Variants in NOTCH4 observed in about 807,000 individuals in gnomAD.
NOTCH4 encodes the protein neurogenic locus notch homolog protein 4.
In NOTCH4, 138 loss-of-function variants were observed where a neutral mutation model predicts 189.0. The ratio of observed to expected loss-of-function variants is 0.73; its 90% confidence interval spans 0.64 to 0.84. NOTCH4 has a LOEUF of 0.84. Ranked by LOEUF, NOTCH4 falls within the 40% of genes least tolerant of loss-of-function variation. The pLI, the probability that NOTCH4 is intolerant of heterozygous loss-of-function variation, is 0.00. For synonymous variants in NOTCH4, 942 were observed against 1,032.8 expected (o/e 0.91, Z 1.69); for missense variants, 2,286 against 2,605.4 (o/e 0.88, Z 2.67).
rs1788073841 is a variant in NOTCH4, at chr6:32,198,100, C to CCCAAA, written c.4756+320_4756+321insTTTGG. Among the ~76,000 whole-genome samples the CCCAAA allele has an allele frequency of 6.6e-6, 1 of 152,198 alleles. No homozygotes were observed. The highest frequency in any genetic ancestry group is 1.5e-5 in the Non-Finnish European group (1 of 68,038). The stretch of plus-strand genomic sequence containing the variant: ...CCTCCCAAAGTGCTGGGATTACAGG[C>CCCAAA]GTGAGCCACCACGCCCGGCCTAGCA... On this transcript the variant is annotated intron_variant, in intron 26 of 29. Coordinates refer to ENST00000375023, the MANE Select transcript of NOTCH4 (RefSeq NM_004557.4). This position sits in a 1 kb window ranked among gnomAD's most constrained non-coding sequence, Gnocchi z 5.5.
Position 32,200,896 on chromosome 6 carries a change from G to T in NOTCH4, c.4250C>A (p.Ala1417Glu). ...LLLRFLAAMA[A>E]VGALEPLLPG... ...CAGCAGGGGCTCCAGGGCTCCCACT[G>T]CAGCCATCGCAGCAAGGAAGCGGAG... The change falls in exon 23 of 30, where the codon GCA becomes GAA. Residue 1417 changes from alanine (A) to glutamate (E), a missense_variant. By Grantham distance (107) the Ala-to-Glu change is moderately radical. Around this residue, in one of 2 missense-constraint regions of NOTCH4, gnomAD observed 1,903 missense variants for 2,261.9 expected, o/e 0.84. Transcript: ENST00000375023. This position sits in a 1 kb window ranked among gnomAD's most constrained non-coding sequence, Gnocchi z 5.0. The T allele has an allele frequency of 6.2e-7, 1 of 1,608,872 alleles. No homozygotes were observed. Among genetic ancestry groups the T allele is most frequent in the South Asian group, 1.1e-5 (1 of 90,492 alleles).
chr6:32,198,618 C>T lies in NOTCH4; in HGVS notation c.4617+31G>A, dbSNP rs763768985. 10 of 1,611,340 alleles carry T rather than the reference C, an allele frequency of 6.2e-6. No individual in the cohort carries two copies. The South Asian group carries it at 1.1e-4, about 18-fold the overall frequency. On this transcript the variant is annotated intron_variant, in intron 25 of 29. Coordinates refer to ENST00000375023, the MANE Select transcript of NOTCH4 (RefSeq NM_004557.4). The surrounding 1 kb of genome is among the most constrained non-coding windows in gnomAD (Gnocchi z 5.5). The stretch of plus-strand genomic sequence containing the variant: ...TTTGCCCTTTCATCCCTTCCATCAC[C>T]TCCAGACCATTCTTGCCCCAGCCCT...
At chr6:32,220,734 G>A in intron 5 of NOTCH4, 22 bp downstream of exon 5, 1 of 1,613,676 alleles carries the variant, frequency 6.2e-7, no homozygotes, top group Non-Finnish European at 8.5e-7. Flanking sequence ...TGGGTGTCAT[G>A]GATGTGGCTT....
chr6:32,222,628 C>A lies in NOTCH4; in HGVS notation c.334G>T (p.Glu112Ter), dbSNP rs765988217. The A allele has an allele frequency of 6.2e-7, 1 of 1,606,352 alleles. No homozygotes were observed. The highest frequency in any genetic ancestry group is 1.7e-5 in the Admixed American group (1 of 57,176). ...LCTCLPGFTGERCQAKLEDPC... is the reference protein window; with the variant it reads ...LCTCLPGFTG Reference sequence around the variant, plus strand: ...TCTTCAAGCTTGGCCTGGCATCTCTCACCAGTGAAGCCAGGGAGGCAAGTG... The same window carrying A: ...TCTTCAAGCTTGGCCTGGCATCTCTAACCAGTGAAGCCAGGGAGGCAAGTG... The change falls in exon 3 of 30, where the codon GAG (glutamate) becomes TAG (stop). Residue 112 changes from glutamate to a stop codon, truncating the protein, a stop_gained. Coordinates refer to ENST00000375023, the MANE Select transcript of NOTCH4 (RefSeq NM_004557.4). LOFTEE classifies it high-confidence loss of function.
Position 32,212,538 on chromosome 6 carries a change from CT to C in NOTCH4, c.2615del (p.Gln872ArgfsTer20), listed in dbSNP as rs1789088908. ...TGPSFHCLCL[Q>X]GWTGPLCNLP... Reference sequence around the variant, plus strand: ...GGTTGCAGAGAGGCCCGGTCCATCCCTGGAGGCACAAGCAGTGGAAGGAGGG... The same window carrying C: ...GGTTGCAGAGAGGCCCGGTCCATCCCGGAGGCACAAGCAGTGGAAGGAGGG... On this transcript the variant is annotated frameshift_variant, in exon 17 of 30. Transcript: ENST00000375023. LOFTEE classifies it high-confidence loss of function. The surrounding 1 kb of genome is among the most constrained non-coding windows in gnomAD (Gnocchi z 4.4). 1 of 1,613,044 alleles carries C rather than the reference CT, an allele frequency of 6.2e-7. No homozygotes were observed. Among genetic ancestry groups the C allele is most frequent in the Non-Finnish European group, 8.5e-7 (1 of 1,180,004 alleles).
Position 32,201,755 on chromosome 6 carries a change from G to A in NOTCH4, c.3756-255C>T. 2.4e-6 allele frequency: 1 copy of A among 415,516 alleles called. No individual in the cohort carries two copies. 25.7% of individuals were successfully genotyped at this position (415,516 alleles called of 1,614,324 possible). ...CTCTGTTTCTAAAGGAGAGTCCCAG[G>A]CCCTTTTCCCTCTGTGAGGTGCTGA... On this transcript the variant is annotated intron_variant, in intron 21 of 29. Coordinates refer to ENST00000375023, the MANE Select transcript of NOTCH4 (RefSeq NM_004557.4). The surrounding 1 kb of genome is among the most constrained non-coding windows in gnomAD (Gnocchi z 5.5).
In NOTCH4 at chr6:32,196,100, G is replaced by T; in HGVS notation, c.5349C>A (p.Ala1783=). 2 of 1,592,646 alleles carry T rather than the reference G, an allele frequency of 1.3e-6. No individual in the cohort carries two copies. The change falls in exon 30 of 30, where the codon GCC becomes GCA. Residue 1783 remains alanine, a synonymous_variant. Coordinates refer to ENST00000375023, the MANE Select transcript of NOTCH4 (RefSeq NM_004557.4). ...LAAREGAVEV[A]QLLLGLGAAR... is the part of the protein sequence containing the mutation. ...CTGCCCCCAGCCCCAGCAGTAGCTG[G>T]GCTACTTCCACCGCTCCTTCCCGCG... is the stretch of plus-strand genomic sequence containing the variant.
chr6:32,221,225 CG>C lies in NOTCH4; in HGVS notation c.551del (p.Pro184ArgfsTer68). 6.2e-7 allele frequency: 1 copy of C among 1,613,070 alleles called. No homozygotes were observed. The highest frequency in any genetic ancestry group is 8.5e-7 in the Non-Finnish European group (1 of 1,180,018). ...TYPQIQCHCPPGFEGHACERD... is the reference protein window; with the variant it reads ...TYPQIQCHCPXGFEGHACERD... Reference sequence around the variant, plus strand: ...GTTCACAGGCATGGCCCTCGAAGCCCGGTGGGCAGTGGCACTGGATCTGGGG... The same window carrying C: ...GTTCACAGGCATGGCCCTCGAAGCCCGTGGGCAGTGGCACTGGATCTGGGG... On this transcript the variant is annotated frameshift_variant, in exon 4 of 30. Coordinates refer to ENST00000375023, the MANE Select transcript of NOTCH4 (RefSeq NM_004557.4). LOFTEE classifies it high-confidence loss of function. This position sits in a 1 kb window ranked among gnomAD's most constrained non-coding sequence, Gnocchi z 4.3.
At position 32,199,032 on chromosome 6, in the gene NOTCH4, C is replaced by G; in HGVS notation, c.4429G>C (p.Glu1477Gln). The change falls in exon 24 of 30, where the codon GAG (glutamate) becomes CAG (glutamine). Residue 1477 changes from glutamate to glutamine, a missense_variant. Physicochemically the swap from Glu to Gln is conservative, Grantham distance 29. Transcript: ENST00000375023. The surrounding 1 kb of genome is among the most constrained non-coding windows in gnomAD (Gnocchi z 4.9). ...VLQLIRRRRREHGALWLPPGF... is the reference protein window; with the variant it reads ...VLQLIRRRRRQHGALWLPPGF... The stretch of plus-strand genomic sequence containing the variant: ...GGGGGCAGCCAGAGAGCTCCATGCT[C>G]TCGGCGTCGACGCCGGATGAGCTGG... 6.2e-7 allele frequency: 1 copy of G among 1,612,886 alleles called. No homozygotes were observed. Among genetic ancestry groups the G allele is most frequent in the Non-Finnish European group, 8.5e-7 (1 of 1,179,946 alleles).
At chr6:32,219,101 C>G (rs1582820254) in intron 8 of NOTCH4, among the ~76,000 whole-genome samples, 1 of 152,156 alleles carries the variant, frequency 6.6e-6, no homozygotes, top group East Asian at 1.9e-4. Context: ...TAAAACTAGC[C>G]TGGAGGTGGG....
At chr6:32,214,328 C>A in intron 12 of NOTCH4, 73 bp from the exon 13 acceptor site, 1 of 1,525,582 alleles carries the variant, frequency 6.6e-7, no homozygotes, top group Non-Finnish European at 8.9e-7. Context: ...CTGCCTGGAC[C>A]CCTATGACTT....
rs3132934 is a variant in NOTCH4 at position 32,199,232 on chromosome 6, G to A, written c.4316-87C>T. ...AGACCTTTGGACAAGTTTAGTAGCC[G>A]GTCTTTGCCTCGGTTTCCTTATCTG... is the stretch of plus-strand genomic sequence containing the variant. On this transcript the variant is annotated intron_variant, in intron 23 of 29. Transcript: ENST00000375023. The surrounding 1 kb of genome is among the most constrained non-coding windows in gnomAD (Gnocchi z 4.9). 9.2e-6 allele frequency: 9 copies of A among 973,588 alleles called. No homozygotes were observed. The highest frequency in any genetic ancestry group is 1.3e-5 in the Non-Finnish European group (9 of 676,630). The allele number at this position is 973,588 out of a possible 1,614,324, so 60.3% of individuals were successfully genotyped here.
intron 14 of NOTCH4, 117 bp downstream of exon 14, chr6:32,213,571 T>G: frequency 8.0e-7 from 1 of 1,250,098 alleles, no homozygotes; most frequent in Non-Finnish European, 1.1e-6. Context: ...TGGAGTTTCA[T>G]TATGTTTCCC....
In NOTCH4 at chr6:32,202,400, C is replaced by T. The variant is rs1483121330; in HGVS notation, c.3431G>A (p.Gly1144Asp). ...CAAGCCCGTGGTCTCTGAGCAGCTG[C>T]CATTGTATAGGCATGGGGAGGGAGG... ...CGPPSPCLYN[G>D]SCSETTGLGG... Residue 1144 changes from glycine (G) to aspartate (D), a missense_variant, in exon 21 of 30, where the codon GGC becomes GAC. By Grantham distance (94) the Gly-to-Asp change is moderately conservative. This residue lies in a region of NOTCH4 where 1,903 missense variants were observed against 2,261.9 expected (regional missense o/e 0.84). Transcript: ENST00000375023. This position sits in a 1 kb window ranked among gnomAD's most constrained non-coding sequence, Gnocchi z 5.7. 1.2e-6 allele frequency: 2 copies of T among 1,612,634 alleles called. No homozygotes were observed. The highest frequency in any genetic ancestry group is 4.5e-5 in the East Asian group (2 of 44,882).
At position 32,213,703 on chromosome 6, in the gene NOTCH4, C is replaced by G; in HGVS notation, c.2305G>C (p.Asp769His). Reference protein sequence around the residue: ...HTGPQCQTSTDYCVSAPCFNG... With the variant: ...HTGPQCQTSTHYCVSAPCFNG... The stretch of plus-strand genomic sequence containing the variant: ...GGGCACTCACCAGACACACAGTAGT[C>G]AGTGCTGGTTTGGCACTGGGGCCCT... The change falls in exon 14 of 30, where the codon GAC (aspartate) becomes CAC (histidine). Residue 769 changes from aspartate to histidine, a missense_variant. Coordinates refer to ENST00000375023, the MANE Select transcript of NOTCH4 (RefSeq NM_004557.4). The G allele has an allele frequency of 6.2e-7, 1 of 1,612,954 alleles. No individual in the cohort carries two copies. The highest frequency in any genetic ancestry group is 8.5e-7 in the Non-Finnish European group (1 of 1,179,968).
Position 32,198,581 on chromosome 6 carries a change from A to G in NOTCH4, c.4618-22T>C. On this transcript the variant is annotated intron_variant, in intron 25 of 29. Transcript: ENST00000375023. The surrounding 1 kb of genome is among the most constrained non-coding windows in gnomAD (Gnocchi z 5.5). ...CAGCCTTTGGGTAACAGCAAGGATC[A>G]GTGAAGGTTGATTTGCCCTTTCATC... The G allele has an allele frequency of 1.2e-6, 2 of 1,611,920 alleles. No homozygotes were observed. Among genetic ancestry groups the G allele is most frequent in the Non-Finnish European group, 1.7e-6 (2 of 1,179,214 alleles).
At chr6:32,211,631 A>G (rs1789029094) in intron 17 of NOTCH4, among the ~76,000 whole-genome samples, 1 of 145,438 alleles carries the variant, frequency 6.9e-6, no homozygotes, top group Non-Finnish European at 1.5e-5. Flanking sequence ...ATAAATAAAT[A>G]AATAAATAAA....
Position 32,195,322 on chromosome 6 carries a change from G to T in NOTCH4, c.*115C>A. ...GTGGGCATACATTCATTTTAGGAGA[G>T]AAACTAAACTCACAACCCTTCATTT... On this transcript the variant is annotated 3_prime_UTR_variant, in exon 30 of 30. Coordinates refer to ENST00000375023, the MANE Select transcript of NOTCH4 (RefSeq NM_004557.4). This position sits in a 1 kb window ranked among gnomAD's most constrained non-coding sequence, Gnocchi z 5.4. 1.0e-6 allele frequency: 1 copy of T among 988,524 alleles called. No individual in the cohort carries two copies. The highest frequency in any genetic ancestry group is 1.5e-6 in the Non-Finnish European group (1 of 683,434). 61.2% of individuals were successfully genotyped at this position (988,524 alleles called of 1,614,324 possible).
chr6:32,222,565 A>G lies in NOTCH4; in HGVS notation c.397T>C (p.Cys133Arg). 2 of 1,584,454 alleles carry G rather than the reference A, an allele frequency of 1.3e-6. No individual in the cohort carries two copies. Among genetic ancestry groups the G allele is most frequent in the Non-Finnish European group, 1.7e-6 (2 of 1,168,902 alleles). Reference sequence around the variant, plus strand: ...GGGCGGCCCGAGGCCTGGATGTGGCAGCGGCCCCTTTTGGAACAGAAGGAG... The same window carrying G: ...GGGCGGCCCGAGGCCTGGATGTGGCGGCGGCCCCTTTTGGAACAGAAGGAG... ...PPSFCSKRGR[C>R]HIQASGRPQC... The change falls in exon 3 of 30, where the codon TGC becomes CGC. Residue 133 changes from cysteine (C) to arginine (R), a missense_variant. By Grantham distance (180) the Cys-to-Arg change is radical. Around this residue, in one of 2 missense-constraint regions of NOTCH4, gnomAD observed 1,903 missense variants for 2,261.9 expected, o/e 0.84. Coordinates refer to ENST00000375023, the MANE Select transcript of NOTCH4 (RefSeq NM_004557.4).
Sources: gnomAD v4.1 joint callset for allele counts (sites outside exome capture counted in the v4.1 genomes callset) on GRCh38, gnomAD v4.1.1 for gene constraint, gnomAD v4.1.1 regional missense constraint, Gnocchi (gnomAD v3.1) non-coding constraint, MANE v1.5 for transcripts, NCBI Gene and HGNC (gene_info 2026-07-23, HGNC 2026-07-21) for gene names.